Variants in SPTBN1 observed in about 807,000 individuals in gnomAD.
SPTBN1 encodes the protein spectrin beta, non-erythrocytic 1, also known as spectrin beta chain, non-erythrocytic 1.
SPTBN1 carries 32 observed loss-of-function variants against 266.4 expected under a neutral mutation model. The ratio of observed to expected loss-of-function variants is 0.12; its 90% CI spans 0.09 to 0.16. The LOEUF (loss-of-function observed/expected upper bound fraction) is 0.16. Among genes scored for constraint, SPTBN1 ranks in the 10% least tolerant of loss-of-function variants. The pLI is 1.00. For synonymous variants in SPTBN1, 1,336 were observed against 1,162.2 expected, an observed-to-expected ratio of 1.15 and a Z score of -3.04; for missense variants, 2,296 against 3,067.1, an observed-to-expected ratio of 0.75 and a Z score of 5.94.
chr2:54,597,121 A>G (rs1310552150), intron 2 of SPTBN1, among the ~76,000 whole-genome samples: 3 of 152,246 alleles, frequency 2.0e-5, no homozygotes, highest in Non-Finnish European at 4.4e-5. Flanking sequence ...TGACTCCAGT[A>G]TAACGCATAA....
At chr2:54,590,438 C>G (rs1027523489) in intron 2 of SPTBN1, among the ~76,000 whole-genome samples, 1 of 152,208 alleles carries the variant, frequency 6.6e-6, no homozygotes, top group African/African-American at 2.4e-5. Flanking sequence ...TGTGCACCTC[C>G]TTTATGTCAT....
intron 18 of SPTBN1, among the ~76,000 whole-genome samples, chr2:54,640,682 G>C (rs1363873225): frequency 6.6e-6 from 1 of 152,194 alleles, no homozygotes; most frequent in Non-Finnish European, 1.5e-5. Flanking sequence ...CTTCCAAGTA[G>C]CTGGGATTCC....
intron 32 of SPTBN1, chr2:54,662,348 C>T (rs1681103183): frequency 1.0e-6 from 1 of 981,410 alleles, no homozygotes; most frequent in Non-Finnish European, 1.2e-6. Flanking sequence ...TTTGCATAAA[C>T]ATTAATGATC....
At chr2:54,659,683 G>A (rs1680907607) in intron 31 of SPTBN1, among the ~76,000 whole-genome samples, 1 of 152,140 alleles carries the variant, frequency 6.6e-6, no homozygotes, top group South Asian at 2.1e-4. Context: ...ATTTTGCTAT[G>A]GTAAGAGTTC....
chr2:54,510,035 T>C (rs879725376), intron 1 of SPTBN1, among the ~76,000 whole-genome samples: 1 of 151,468 alleles, frequency 6.6e-6, no homozygotes, highest in Admixed American at 6.6e-5. Context: ...TTCTGCTCAC[T>C]GCAACCTCCG....
intron 2 of SPTBN1, among the ~76,000 whole-genome samples, chr2:54,566,307 C>T (rs578241401): frequency 1.3e-5 from 2 of 151,666 alleles, no homozygotes; most frequent in South Asian, 2.1e-4. Context: ...CTTGCCTCAG[C>T]CTCCCGAGTA....
At chr2:54,508,773 A>G (rs903564085) in intron 1 of SPTBN1, among the ~76,000 whole-genome samples, 2 of 152,230 alleles carry the variant, frequency 1.3e-5, no homozygotes, top group African/African-American at 4.8e-5. Context: ...TCTTATCAGC[A>G]TAGGCGTTGT....
At chr2:54,657,598 T>C (rs1194081204) in intron 29 of SPTBN1, among the ~76,000 whole-genome samples, 2 of 152,256 alleles carry the variant, frequency 1.3e-5, no homozygotes, top group African/African-American at 4.8e-5. Flanking sequence ...ATTTTATACA[T>C]ATTATGTGAA....
chr2:54,459,965 C>G (rs927294470), intron 1 of SPTBN1, among the ~76,000 whole-genome samples: 2 of 152,096 alleles, frequency 1.3e-5, no homozygotes, highest in Non-Finnish European at 2.9e-5. Flanking sequence ...TTTTTTTCTA[C>G]TCAGTGGTTA....
At chr2:54,660,160 C>A in intron 32 of SPTBN1, 161 bp downstream of exon 32, 1 of 1,527,622 alleles carries the variant, frequency 6.5e-7, no homozygotes, top group Non-Finnish European at 8.8e-7. Context: ...CCACTTCACC[C>A]AAAATGTTAA....
chr2:54,612,322 C>A lies in SPTBN1; in HGVS notation c.462C>A (p.Ile154=), dbSNP rs751710459. Residue 154 remains isoleucine, a synonymous_variant, in exon 4 of 36, where the codon ATC becomes ATA. Coordinates refer to ENST00000356805, the MANE Select transcript of SPTBN1 (RefSeq NM_003128.3). The stretch of plus-strand genomic sequence containing the variant: ...CCCTTGGCCTCATCTGGACCATCAT[C>A]CTGCGCTTCCAGGTAAGGGTCTCTG... ...RLTLGLIWTI[I]LRFQIQDISV... is the part of the protein sequence containing the mutation. The A allele has an allele frequency of 2.5e-6, 4 of 1,612,260 alleles. No individual in the cohort carries two copies. The highest frequency in any genetic ancestry group is 2.2e-5 in the East Asian group (1 of 44,860).
Position 54,644,451 on chromosome 2 carries a change from T to C in SPTBN1, c.4134T>C (p.Asp1378=), listed in dbSNP as rs759707386. ...TTQTKAQRLF[D]ANKAELFTQS... is the part of the protein sequence containing the mutation. ...AGACAAAGGCCCAGCGGCTCTTTGA[T>C]GCAAACAAGGCCGAACTTTTCACCC... The change falls in exon 20 of 36, where the codon GAT becomes GAC. Residue 1378 remains aspartate (D), a synonymous_variant. Transcript: ENST00000356805. 1.9e-6 allele frequency: 3 copies of C among 1,614,224 alleles called. No individual in the cohort carries two copies. The South Asian group carries it at 3.3e-5, about 18-fold the overall frequency.
chr2:54,558,338 G>T lies in SPTBN1; in HGVS notation c.148+31772G>T. ...AGGTGACATCACCGCCCAGCACACG[G>T]CGAGTGGCTCCTGATAAAATTACAA... On this transcript the variant is annotated intron_variant, in intron 2 of 35. Coordinates refer to ENST00000356805, the MANE Select transcript of SPTBN1 (RefSeq NM_003128.3). The surrounding 1 kb of genome is among the most constrained non-coding windows in gnomAD (Gnocchi z 4.6). The T allele has an allele frequency of 1.0e-6, 1 of 995,954 alleles. No homozygotes were observed. The highest frequency in any genetic ancestry group is 4.4e-5 in the South Asian group (1 of 22,844). The allele number at this position is 995,954 out of a possible 1,614,324, so 61.7% of individuals were successfully genotyped here.
At chr2:54,482,297 T>A (rs929252814) in intron 1 of SPTBN1, among the ~76,000 whole-genome samples, 5 of 151,830 alleles carry the variant, frequency 3.3e-5, no homozygotes, top group Middle Eastern at 3.4e-3. Flanking sequence ...GGAGGATCAC[T>A]TGAGTCCAGA....
chr2:54,625,561 G>A (rs988967794), intron 11 of SPTBN1, among the ~76,000 whole-genome samples: 2 of 150,206 alleles, frequency 1.3e-5, no homozygotes, highest in East Asian at 2.0e-4. Flanking sequence ...TTGGAGGGGG[G>A]GTGGCGCGGG....
chr2:54,535,008 A>C (rs1671516366), intron 2 of SPTBN1: 1 of 151,788 alleles, frequency 6.6e-6, no homozygotes, highest in South Asian at 2.1e-4. Context: ...TCTCCACTCC[A>C]CCAGAATTCT....
At chr2:54,518,743 T>G (rs906457892) in intron 1 of SPTBN1, among the ~76,000 whole-genome samples, 1 of 152,208 alleles carries the variant, frequency 6.6e-6, no homozygotes, top group Non-Finnish European at 1.5e-5. Context: ...TGGCAAACAT[T>G]GGTCACCTTC....
chr2:54,475,958 A>G (rs1451350810), intron 1 of SPTBN1, among the ~76,000 whole-genome samples: 2 of 152,190 alleles, frequency 1.3e-5, no homozygotes, highest in Admixed American at 6.5e-5. Flanking sequence ...AAGTGGCCTT[A>G]AAGGTTCATT....
rs1158485162 is a variant in SPTBN1 at position 54,554,112 on chromosome 2, G to A, written c.148+27546G>A. Among the ~76,000 whole-genome samples the A allele has an allele frequency of 3.9e-5, 6 of 152,200 alleles. No individual in the cohort carries two copies. Among genetic ancestry groups the A allele is most frequent in the Admixed American group, 6.5e-5 (1 of 15,280 alleles). The stretch of plus-strand genomic sequence containing the variant: ...TCAAAACTAAATGTTGTAGAGGTTC[G>A]TGTAGAGGCCTGCTTGGGTTTTAGG... On this transcript the variant is annotated intron_variant, in intron 2 of 35. Coordinates refer to ENST00000356805, the MANE Select transcript of SPTBN1 (RefSeq NM_003128.3). The surrounding 1 kb of genome is among the most constrained non-coding windows in gnomAD (Gnocchi z 4.5).
Sources: gnomAD v4.1 joint callset for allele counts (sites outside exome capture counted in the v4.1 genomes callset) on GRCh38, gnomAD v4.1.1 for gene constraint, Gnocchi (gnomAD v3.1) non-coding constraint, MANE v1.5 for transcripts, NCBI Gene and HGNC (gene_info 2026-07-23, HGNC 2026-07-21) for gene names.